The following TENM2 variants were observed in gnomAD, a reference collection of about 807,000 sequenced individuals.
TENM2 encodes teneurin transmembrane protein 2, also known as teneurin-2.
TENM2 carries 52 observed loss-of-function variants against 245.2 expected under a neutral mutation model. That is an observed-to-expected ratio of 0.21 (90% CI 0.17 to 0.27). TENM2 has a LOEUF of 0.27. TENM2 is among the 10% of genes least tolerant of loss of function. The probability of loss-of-function intolerance (pLI) is 1.00; values close to 1 mark genes in which losing one functional copy is unlikely to be tolerated. For synonymous variants in TENM2, 1,363 were observed against 1,438.9 expected, an observed-to-expected ratio of 0.95 and a Z score of 1.19; for missense variants, 3,046 against 3,666.8, an observed-to-expected ratio of 0.83 and a Z score of 4.37.
chr5:167,220,876 G>T, the TENM2 span, among the ~76,000 whole-genome samples: 1 of 151,666 alleles, frequency 6.6e-6, no homozygotes, highest in Non-Finnish European at 1.5e-5. Context: ...ACCCAGGCTG[G>T]AGTGCAGTGG....
At chr5:167,245,431 A>G in the TENM2 span, among the ~76,000 whole-genome samples, 1 of 152,100 alleles carries the variant, frequency 6.6e-6, no homozygotes, top group South Asian at 2.1e-4. Context: ...AATGACACAA[A>G]CTTTCTGGAT....
chr5:167,961,236 A>C (rs1349029420), intron 4 of TENM2, among the ~76,000 whole-genome samples: 1 of 152,200 alleles, frequency 6.6e-6, no homozygotes, highest in East Asian at 1.9e-4. Flanking sequence ...GTCAATAAAA[A>C]CTGTATATAA....
rs543376139 is a variant in TENM2 at position 167,839,903 on chromosome 5, C to T, written c.503-36083C>T. Among the ~76,000 whole-genome samples, 18 of 152,240 alleles carry T rather than the reference C, an allele frequency of 1.2e-4. 1 individual carries two copies. In the South Asian group the frequency reaches 3.1e-3, roughly 26 times the overall value. On this transcript the variant is annotated intron_variant, in intron 2 of 28. Transcript: ENST00000518659. ...CACGGTCTTGGCTCACTGCAACCTC[C>T]GCCTCCCGGGTTCAAGCAATTCTCC...
intron 2 of TENM2, among the ~76,000 whole-genome samples, chr5:167,771,065 A>G (rs1381940231): frequency 6.6e-6 from 1 of 152,142 alleles, no homozygotes; most frequent in Non-Finnish European, 1.5e-5. Flanking sequence ...AAAAGAAGAA[A>G]GGAGAGGGGA....
intron 2 of TENM2, among the ~76,000 whole-genome samples, chr5:167,616,131 G>C (rs1295703372): frequency 1.3e-5 from 2 of 152,132 alleles, no homozygotes; most frequent in East Asian, 3.9e-4. Flanking sequence ...GCTTATTGGA[G>C]ATGTTAGCAT....
intron 10 of TENM2, among the ~76,000 whole-genome samples, chr5:168,123,986 C>T (rs1795665891): frequency 6.6e-6 from 1 of 152,218 alleles, no homozygotes. Context: ...CTGGCCTTTG[C>T]AGCTCGCTCC....
At chr5:167,379,722 G>T (rs970441431) in intron 2 of TENM2, among the ~76,000 whole-genome samples, 1 of 151,980 alleles carries the variant, frequency 6.6e-6, no homozygotes, top group African/African-American at 2.4e-5. Flanking sequence ...CTAGCCAAAG[G>T]CCCATAATTT....
chr5:166,980,176 A>G, the TENM2 span, among the ~76,000 whole-genome samples: 645 of 152,354 alleles, frequency 4.2e-3, 2 homozygotes, highest in African/African-American at 0.015. Context: ...TTAGTGCATC[A>G]CATACTGTCT....
chr5:167,336,395 GGT>G (rs1491116051), intron 1 of TENM2, among the ~76,000 whole-genome samples: 1 of 150,074 alleles, frequency 6.7e-6, no homozygotes, highest in Admixed American at 6.6e-5. Flanking sequence ...TGGTTCCTGT[GGT>G]TTTTTTTTTT....
intron 2 of TENM2, among the ~76,000 whole-genome samples, chr5:167,818,848 T>C (rs1767277086): frequency 2.6e-5 from 4 of 152,148 alleles, no homozygotes; most frequent in Non-Finnish European, 5.9e-5. Context: ...GTGGGGAGGA[T>C]GAGAGGAACC....
At chr5:167,718,148 C>T (rs1759389340) in intron 2 of TENM2, among the ~76,000 whole-genome samples, 1 of 152,178 alleles carries the variant, frequency 6.6e-6, no homozygotes, top group African/African-American at 2.4e-5. Flanking sequence ...GGAACTCCAA[C>T]TCCTTTTGCA....
At chr5:167,979,284 A>C in intron 4 of TENM2, among the ~76,000 whole-genome samples, 1 of 152,138 alleles carries the variant, frequency 6.6e-6, no homozygotes, top group East Asian at 1.9e-4. Flanking sequence ...CAAGATTAAA[A>C]CCATTCTATC....
chr5:167,288,692 A>G (rs1327993489), intron 1 of TENM2, among the ~76,000 whole-genome samples: 1 of 152,194 alleles, frequency 6.6e-6, no homozygotes, highest in African/African-American at 2.4e-5. Context: ...GGTGGATACT[A>G]TCACTCCCTT....
the TENM2 span, among the ~76,000 whole-genome samples, chr5:167,109,453 C>T: frequency 9.9e-5 from 15 of 151,838 alleles, 1 homozygote; most frequent in Admixed American, 2.0e-4. Context: ...TTAAAATATC[C>T]TCAGCATTAA....
intron 1 of TENM2, among the ~76,000 whole-genome samples, chr5:167,300,697 G>C (rs957645087): frequency 2.0e-5 from 3 of 152,100 alleles, no homozygotes; most frequent in Non-Finnish European, 4.4e-5. Flanking sequence ...TGCATGATTG[G>C]TCGATAAGGA....
intron 7 of TENM2, among the ~76,000 whole-genome samples, chr5:168,066,858 G>A (rs1790552544): frequency 6.6e-6 from 1 of 152,198 alleles, no homozygotes; most frequent in Non-Finnish European, 1.5e-5. Flanking sequence ...ACAGACAGAA[G>A]AAAAAGAATA....
intron 2 of TENM2, among the ~76,000 whole-genome samples, chr5:167,393,210 G>C (rs1445802615): frequency 6.6e-6 from 1 of 151,822 alleles, no homozygotes; most frequent in Non-Finnish European, 1.5e-5. Flanking sequence ...AAATAGAAGA[G>C]AGGGAGAGAT....
chr5:167,886,336 T>A (rs1218204694), intron 3 of TENM2, among the ~76,000 whole-genome samples: 1 of 152,122 alleles, frequency 6.6e-6, no homozygotes, highest in African/African-American at 2.4e-5. Context: ...AGAAATAAAA[T>A]GTAGTCATCA....
the TENM2 span, among the ~76,000 whole-genome samples, chr5:167,059,559 C>T: frequency 6.6e-6 from 1 of 151,918 alleles, no homozygotes. Context: ...ACATACGTTA[C>T]TCCCCAAAGG....
Sources: allele counts gnomAD v4.1 joint callset (sites outside exome capture counted in the v4.1 genomes callset), GRCh38; gene constraint gnomAD v4.1.1; transcripts MANE v1.5; gene names NCBI Gene and HGNC (gene_info 2026-07-23, HGNC 2026-07-21).